Variants in TBC1D5 observed in about 807,000 individuals in gnomAD.
TBC1D5 encodes the protein TBC1 domain family member 5.
TBC1D5 carries 75 observed loss-of-function variants against 100.3 expected under a neutral mutation model. The ratio of observed to expected loss-of-function variants is 0.75; its 90% CI spans 0.62 to 0.91. TBC1D5 has a LOEUF of 0.91. Ranked by LOEUF, TBC1D5 falls within the 40% of genes least tolerant of loss-of-function variation. TBC1D5 has a pLI of 0.00. For missense variants in TBC1D5, 910 were observed against 942.4 expected (o/e 0.97, Z 0.45); for synonymous variants, 323 against 325.6 (o/e 0.99, Z 0.09).
At chr3:17,367,661 C>T (rs1264905997) in intron 13 of TBC1D5, among the ~76,000 whole-genome samples, 1 of 152,006 alleles carries the variant, frequency 6.6e-6, no homozygotes, top group East Asian at 1.9e-4. Context: ...GAGTTTGAGA[C>T]CTGCCTATCC....
At chr3:17,200,060 T>TC (rs35204863) in intron 18 of TBC1D5, among the ~76,000 whole-genome samples, 61,622 of 151,966 alleles carry the variant, frequency 0.41, 13,167 homozygotes, top group Middle Eastern at 0.5. Flanking sequence ...CAATTGTTTT[T>TC]CAAGTAGAAA....
At chr3:17,306,008 T>C (rs952640961) in intron 14 of TBC1D5, among the ~76,000 whole-genome samples, 4 of 152,240 alleles carry the variant, frequency 2.6e-5, no homozygotes, top group African/African-American at 9.6e-5. Flanking sequence ...TTTCTTTCTT[T>C]AGTCTCATAA....
chr3:17,712,099 A>G lies in TBC1D5; in HGVS notation c.-101+27244T>C, dbSNP rs140348390. 6.6e-5 allele frequency among the ~76,000 whole-genome samples: 10 copies of G among 152,268 alleles called. No individual in the cohort carries two copies. In the East Asian group the frequency reaches 1.9e-3, roughly 29 times the overall value. The stretch of plus-strand genomic sequence containing the variant: ...ATGTCACTGCCCAGCATCACAGGCT[A>G]AAATTATATAAGCACCTCATAGGAA... On this transcript the variant is annotated intron_variant, in intron 1 of 21. Coordinates refer to ENST00000253692, the Ensembl canonical transcript of TBC1D5.
At chr3:17,530,808 A>T (rs1315794468) in intron 2 of TBC1D5, among the ~76,000 whole-genome samples, 2 of 152,212 alleles carry the variant, frequency 1.3e-5, no homozygotes, top group African/African-American at 4.8e-5. Context: ...AACTCCCAAT[A>T]AATTAGGTAT....
At chr3:17,235,730 A>C (rs1559463875) in intron 17 of TBC1D5, among the ~76,000 whole-genome samples, 1 of 152,184 alleles carries the variant, frequency 6.6e-6, no homozygotes, top group Non-Finnish European at 1.5e-5. Flanking sequence ...AGAGAGCTTC[A>C]GGGTGTTGCT....
chr3:17,716,669 C>T (rs1401062532), intron 1 of TBC1D5, among the ~76,000 whole-genome samples: 1 of 152,078 alleles, frequency 6.6e-6, no homozygotes. Flanking sequence ...TCAGTGTTAA[C>T]AACTATTATA....
At chr3:17,453,079 T>TAAAAA (rs570210975) in intron 3 of TBC1D5, among the ~76,000 whole-genome samples, 9 of 81,898 alleles carry the variant, frequency 1.1e-4, no homozygotes, top group Middle Eastern at 7.9e-3. Flanking sequence ...AATGAAGAAA[T>TAAAAA]AAAAAAAAAA....
intron 3 of TBC1D5, among the ~76,000 whole-genome samples, chr3:17,455,450 A>ATG (rs1186653277): frequency 2.8e-5 from 4 of 141,364 alleles, no homozygotes; most frequent in Admixed American, 2.8e-4. Flanking sequence ...GTATATATAT[A>ATG]TGTGTGTGTA....
chr3:17,733,201 G>A lies in TBC1D5; in HGVS notation c.-101+6142C>T, dbSNP rs188860680. Among the ~76,000 whole-genome samples, 536 of 152,208 alleles carry A rather than the reference G, an allele frequency of 3.5e-3. 5 individuals carry two copies. Among genetic ancestry groups the A allele is most frequent in the African/African-American group, 0.012 (506 of 41,530 alleles). ...GTGCTTCCCCATTCCTACCTCTCCC[G>A]TTCTGTCCTATCTTCACTGCATCCA... is the stretch of plus-strand genomic sequence containing the variant. On this transcript the variant is annotated intron_variant, in intron 1 of 21. Coordinates refer to ENST00000253692, the Ensembl canonical transcript of TBC1D5.
intron 3 of TBC1D5, among the ~76,000 whole-genome samples, chr3:17,481,413 C>T (rs1361333562): frequency 6.6e-6 from 1 of 152,168 alleles, no homozygotes; most frequent in Admixed American, 6.5e-5. Flanking sequence ...AGGTAAAAGG[C>T]ACCGCCTGCC....
rs549210892 is a variant in TBC1D5 at position 17,220,953 on chromosome 3, T to A, written c.1589-6583A>T. 2.6e-5 allele frequency among the ~76,000 whole-genome samples: 4 copies of A among 152,292 alleles called. No individual in the cohort carries two copies. The East Asian group carries it at 7.7e-4, about 29-fold the overall frequency. ...ATTCATCTCTTCAAAGTTTGGATTATTGACTTATACCCCTCCAGTGTTAGT... is the reference window on the plus strand; with the variant it reads ...ATTCATCTCTTCAAAGTTTGGATTAATGACTTATACCCCTCCAGTGTTAGT... On this transcript the variant is annotated intron_variant, in intron 17 of 21. Coordinates refer to ENST00000253692, the Ensembl canonical transcript of TBC1D5.
chr3:17,708,923 A>G (rs2074426425), intron 1 of TBC1D5, among the ~76,000 whole-genome samples: 1 of 152,226 alleles, frequency 6.6e-6, no homozygotes, highest in Non-Finnish European at 1.5e-5. Context: ...CCATTCAAGA[A>G]TAACAGGTAC....
In TBC1D5 at chr3:17,227,941, G is replaced by A. The variant is rs1021659747; in HGVS notation, c.1588+10222C>T. 2.6e-5 allele frequency among the ~76,000 whole-genome samples: 4 copies of A among 151,522 alleles called. No individual in the cohort carries two copies. In the East Asian group the frequency reaches 7.8e-4, roughly 29 times the overall value. The stretch of plus-strand genomic sequence containing the variant: ...CCTCTTGATCATCCAGTCTTGGGGA[G>A]TGGAGGATAGTGGGAAGATGAGGCC... On this transcript the variant is annotated intron_variant, in intron 17 of 21. Transcript: ENST00000253692.
intron 13 of TBC1D5, among the ~76,000 whole-genome samples, chr3:17,333,730 G>C (rs773596620): frequency 5.9e-5 from 9 of 152,066 alleles, no homozygotes; most frequent in Non-Finnish European, 1.0e-4. Flanking sequence ...GACCAAGTGA[G>C]GAAGGGCATT....
At chr3:17,717,864 T>C (rs1026936516) in intron 1 of TBC1D5, among the ~76,000 whole-genome samples, 1 of 152,182 alleles carries the variant, frequency 6.6e-6, no homozygotes, top group Non-Finnish European at 1.5e-5. Flanking sequence ...ACACTTACTA[T>C]GCACAGTACA....
chr3:17,698,244 C>G (rs987016793), intron 1 of TBC1D5, among the ~76,000 whole-genome samples: 3 of 152,200 alleles, frequency 2.0e-5, no homozygotes, highest in Non-Finnish European at 4.4e-5. Context: ...CGCCGCATAT[C>G]TACAACTATC....
At chr3:17,417,400 T>C (rs997384633) in intron 4 of TBC1D5, among the ~76,000 whole-genome samples, 2 of 148,246 alleles carry the variant, frequency 1.3e-5, no homozygotes, top group African/African-American at 2.5e-5. Flanking sequence ...GTCCATGTGT[T>C]CTCATTGTTC....
At chr3:17,323,851 G>T (rs1457315537) in intron 13 of TBC1D5, among the ~76,000 whole-genome samples, 1 of 152,108 alleles carries the variant, frequency 6.6e-6, no homozygotes, top group African/African-American at 2.4e-5. Context: ...GAAGAGCAAA[G>T]GACTAAAAAT....
chr3:17,404,599 T>A (rs2093721993), intron 7 of TBC1D5, 95 bp downstream of exon 7: 1 of 1,118,888 alleles, frequency 8.9e-7, no homozygotes, highest in Non-Finnish European at 1.3e-6. Flanking sequence ...ACAGTTAGCA[T>A]GAAATATATT....
Sources: gnomAD v4.1 joint callset for allele counts (sites outside exome capture counted in the v4.1 genomes callset) on GRCh38, gnomAD v4.1.1 for gene constraint, MANE v1.5 for transcripts, NCBI Gene and HGNC (gene_info 2026-07-23, HGNC 2026-07-21) for gene names.